The following SH3PXD2A variants were observed in gnomAD, a reference collection of about 807,000 sequenced individuals.
SH3PXD2A encodes SH3 and PX domains 2A, also known as SH3 and PX domain-containing protein 2A.
A neutral mutation model predicts 115.2 loss-of-function variants in SH3PXD2A; 32 were observed. That is an observed-to-expected ratio of 0.28 (90% confidence interval 0.21 to 0.37). The LOEUF (loss-of-function observed/expected upper bound fraction) is 0.37, where lower values mean the gene tolerates loss of function less well. Ranked by LOEUF, SH3PXD2A falls within the 10% of genes least tolerant of loss-of-function variation. SH3PXD2A has a pLI of 1.00. For synonymous variants in SH3PXD2A, 610 were observed against 629.1 expected (o/e 0.97, Z 0.45); for missense variants, 1,328 against 1,498.7 (o/e 0.89, Z 1.88).
Position 103,612,888 on chromosome 10 carries a change from G to A in SH3PXD2A, c.1223C>T (p.Ala408Val), listed in dbSNP as rs2036449397. The change falls in exon 12 of 15, where the codon GCT becomes GTT. Residue 408 changes from alanine to valine, a missense_variant. Coordinates refer to ENST00000369774, the MANE Select transcript of SH3PXD2A (RefSeq NM_001394015.1). ...CCGCTGAGGGGCAATCCTGGCCACA[G>A]CTGGAGAGCCCTGGGCCAGCCTGGA... is the stretch of plus-strand genomic sequence containing the variant. ...TVSRLAQGSP[A>V]VARIAPQRAQ... 2.5e-6 allele frequency: 4 copies of A among 1,594,868 alleles called. No homozygotes were observed. Among genetic ancestry groups the A allele is most frequent in the Admixed American group, 1.7e-5 (1 of 57,154 alleles).
chr10:103,765,684 G>A (rs1015128772), intron 3 of SH3PXD2A, among the ~76,000 whole-genome samples: 5 of 152,236 alleles, frequency 3.3e-5, no homozygotes, highest in African/African-American at 1.2e-4. Context: ...TGTGGCCTCA[G>A]GTTGCCTCTA....
chr10:103,767,294 T>C, intron 2 of SH3PXD2A, 125 bp from the exon 3 acceptor site: 2 of 692,146 alleles, frequency 2.9e-6, no homozygotes, highest in Non-Finnish European at 5.2e-6. Flanking sequence ...ACGCCTGAGA[T>C]CCCTCATTTC....
In SH3PXD2A at chr10:103,605,847, TG is replaced by T; in HGVS notation, c.1378del (p.Gln460SerfsTer51). 6.2e-7 allele frequency: 1 copy of T among 1,613,380 alleles called. No individual in the cohort carries two copies. On this transcript the variant is annotated frameshift_variant, in exon 14 of 15. Coordinates refer to ENST00000369774, the MANE Select transcript of SH3PXD2A (RefSeq NM_001394015.1). LOFTEE classifies it high-confidence loss of function. ...EVEYYTIAEF[Q>X]SCISDGISFR... is the part of the protein sequence containing the mutation. ...GCTGATGCCATCGGAAATGCACGAC[TG>T]GAATTCGGCAATGGTGTAGTACTCC...
intron 4 of SH3PXD2A, among the ~76,000 whole-genome samples, chr10:103,725,503 A>G (rs2038229950): frequency 6.6e-6 from 1 of 152,126 alleles, no homozygotes; most frequent in Admixed American, 6.6e-5. Context: ...GAGAGTCTGC[A>G]GCTGGAAAGT....
intron 1 of SH3PXD2A, among the ~76,000 whole-genome samples, chr10:103,813,258 C>T (rs965395220): frequency 7.2e-5 from 11 of 152,122 alleles, no homozygotes; most frequent in African/African-American, 2.7e-4. Flanking sequence ...TGGTTATTTG[C>T]ATGGAATGAG....
intron 2 of SH3PXD2A, among the ~76,000 whole-genome samples, chr10:103,788,670 C>T (rs1400031366): frequency 1.3e-5 from 2 of 152,106 alleles, no homozygotes; most frequent in Admixed American, 1.3e-4. Context: ...AGCTCGAGAC[C>T]AGCCTGGCCA....
At chr10:103,687,032 G>A (rs2037686925) in intron 6 of SH3PXD2A, among the ~76,000 whole-genome samples, 1 of 152,184 alleles carries the variant, frequency 6.6e-6, no homozygotes, top group African/African-American at 2.4e-5. Flanking sequence ...ACAGGCATGA[G>A]CCACTGCGCC....
At chr10:103,815,332 T>C (rs113387770) in intron 1 of SH3PXD2A, among the ~76,000 whole-genome samples, 1,564 of 151,676 alleles carry the variant, frequency 0.01, 23 homozygotes, top group African/African-American at 0.035. Flanking sequence ...AGGACTTATA[T>C]CTGGAACATA....
chr10:103,848,863 G>C (rs895321388), intron 1 of SH3PXD2A, among the ~76,000 whole-genome samples: 1 of 151,522 alleles, frequency 6.6e-6, no homozygotes, highest in African/African-American at 2.4e-5. Context: ...AAGGCGCCAG[G>C]TACCGGTCTA....
At chr10:103,618,311 A>T (rs2036550778) in intron 10 of SH3PXD2A, among the ~76,000 whole-genome samples, 1 of 152,172 alleles carries the variant, frequency 6.6e-6, no homozygotes, top group African/African-American at 2.4e-5. Context: ...GGCTTCCAGG[A>T]GGGTGTTTCT....
At chr10:103,714,762 G>A (rs1564871268) in intron 5 of SH3PXD2A, among the ~76,000 whole-genome samples, 1 of 152,268 alleles carries the variant, frequency 6.6e-6, no homozygotes, top group South Asian at 2.1e-4. Context: ...GCAGCAGCCA[G>A]TGGCAGGGGG....
chr10:103,799,861 TG>T, intron 2 of SH3PXD2A, among the ~76,000 whole-genome samples: 1 of 152,182 alleles, frequency 6.6e-6, no homozygotes, highest in Middle Eastern at 3.4e-3. Flanking sequence ...GAGTAGGGAG[TG>T]GCTTTCAATC....
chr10:103,784,757 T>G lies in SH3PXD2A; in HGVS notation c.153+16525A>C. On this transcript the variant is annotated intron_variant, in intron 2 of 14. Transcript: ENST00000369774. This position sits in a 1 kb window ranked among gnomAD's most constrained non-coding sequence, Gnocchi z 4.4. ...AAAGAAAGGGGAGGAGGAGGAGAAG[T>G]AAGAAGGAGGAAGGAAGGGGAGAAG... Among the ~76,000 whole-genome samples, 13 of 125,418 alleles carry G rather than the reference T, an allele frequency of 1.0e-4. No homozygotes were observed. Among genetic ancestry groups the G allele is most frequent in the South Asian group, 2.4e-4 (1 of 4,146 alleles). The allele number at this position is 125,418 out of a possible 152,430, so 82.3% of individuals were successfully genotyped here.
At chr10:103,663,794 G>GC (rs939997120) in intron 7 of SH3PXD2A, among the ~76,000 whole-genome samples, 38 of 152,228 alleles carry the variant, frequency 2.5e-4, no homozygotes, top group African/African-American at 7.7e-4. Context: ...GAAACCCACT[G>GC]CCCCCCGGCA....
At chr10:103,738,164 G>A (rs1330305291) in intron 3 of SH3PXD2A, among the ~76,000 whole-genome samples, 3 of 152,200 alleles carry the variant, frequency 2.0e-5, no homozygotes, top group South Asian at 2.1e-4. Context: ...GCAGACAGAC[G>A]ACATCACCAA....
chr10:103,708,196 C>T (rs138379983), intron 5 of SH3PXD2A, among the ~76,000 whole-genome samples: 3 of 152,168 alleles, frequency 2.0e-5, no homozygotes, highest in East Asian at 1.9e-4. Flanking sequence ...CCTTTGTTGG[C>T]GCCGACCTCA....
intron 6 of SH3PXD2A, among the ~76,000 whole-genome samples, chr10:103,681,753 C>CAT (rs3068808): frequency 8.8e-6 from 1 of 113,516 alleles, no homozygotes; most frequent in African/African-American, 3.6e-5. Context: ...CACACACACA[C>CAT]GCGCCCGCGC....
chr10:103,721,528 C>T (rs2038181688), intron 5 of SH3PXD2A, among the ~76,000 whole-genome samples: 1 of 152,264 alleles, frequency 6.6e-6, no homozygotes, highest in Non-Finnish European at 1.5e-5. Flanking sequence ...GGTTTGGAGG[C>T]ATGGATCACA....
chr10:103,624,451 C>T (rs1369887502), intron 9 of SH3PXD2A, among the ~76,000 whole-genome samples: 2 of 152,172 alleles, frequency 1.3e-5, no homozygotes, highest in Non-Finnish European at 2.9e-5. Context: ...TCCTGGTTCA[C>T]TGAAGCACCC....
Sources: allele counts gnomAD v4.1 joint callset (sites outside exome capture counted in the v4.1 genomes callset), GRCh38; gene constraint gnomAD v4.1.1; non-coding constraint Gnocchi (gnomAD v3.1); transcripts MANE v1.5; gene names NCBI Gene and HGNC (gene_info 2026-07-23, HGNC 2026-07-21).